Variants in CWC25 observed in about 807,000 individuals in gnomAD.
The protein encoded by CWC25 is pre-mRNA-splicing factor CWC25 homolog.
Under a neutral mutation model 54.6 loss-of-function variants are expected in CWC25, and 31 were observed. The ratio of observed to expected loss-of-function variants is 0.57; its 90% confidence interval spans 0.43 to 0.77. The LOEUF (loss-of-function observed/expected upper bound fraction) is 0.77. Among genes scored for constraint, CWC25 ranks in the 30% least tolerant of loss-of-function variants. The pLI, the probability that CWC25 is intolerant of heterozygous loss-of-function variation, is 0.00. For synonymous variants in CWC25, 151 were observed against 187.0 expected (o/e 0.81, Z 1.57); for missense variants, 453 against 529.3 (o/e 0.86, Z 1.41).
chr17:38,817,225 A>AG (rs1567674684), intron 2 of CWC25, among the ~76,000 whole-genome samples: 8 of 151,362 alleles, frequency 5.3e-5, no homozygotes, highest in African/African-American at 1.9e-4. Flanking sequence ...CTGTAGTCCC[A>AG]GCTACTCGGG....
rs940378277 is a variant in CWC25 at position 38,801,414 on chromosome 17, G to A, written c.*678C>T. On this transcript the variant is annotated 3_prime_UTR_variant, in exon 10 of 10. Coordinates refer to ENST00000614790, the MANE Select transcript of CWC25 (RefSeq NM_017748.5). Reference sequence around the variant, plus strand: ...GCTGGCCTGCCTTATTGTATTACTTGCCATCAAGGTTCAATGTGGTTCTAT... The same window carrying A: ...GCTGGCCTGCCTTATTGTATTACTTACCATCAAGGTTCAATGTGGTTCTAT... The A allele has an allele frequency of 6.6e-6, 1 of 152,094 alleles. No individual in the cohort carries two copies. Among genetic ancestry groups the A allele is most frequent in the African/African-American group, 2.4e-5 (1 of 41,408 alleles). 9.4% of individuals were successfully genotyped at this position (152,094 alleles called of 1,614,324 possible).
intron 6 of CWC25, 94 bp from the exon 7 acceptor site, chr17:38,807,070 C>G: frequency 1.0e-6 from 1 of 990,100 alleles, no homozygotes; most frequent in Non-Finnish European, 1.5e-6. Context: ...GCCTGTAATC[C>G]CAGCACTTTG....
chr17:38,812,099 G>A lies in CWC25; in HGVS notation c.498+696C>T, dbSNP rs145545397. 1.3e-3 allele frequency among the ~76,000 whole-genome samples: 191 copies of A among 151,786 alleles called. 1 individual carries two copies. Among genetic ancestry groups the A allele is most frequent in the East Asian group, 0.012 (63 of 5,148 alleles). On this transcript the variant is annotated intron_variant, in intron 4 of 9. Coordinates refer to ENST00000614790, the MANE Select transcript of CWC25 (RefSeq NM_017748.5). ...GATTACAGGCATGAACCACCACCCC[G>A]GCTAATTTTGAATTTTTAGTAGAGA...
At chr17:38,802,227 A>G in intron 9 of CWC25, 21 bp from the exon 10 acceptor site, 1 of 1,526,420 alleles carries the variant, frequency 6.6e-7, no homozygotes, top group Non-Finnish European at 9.1e-7. Context: ...AAGACAGGCA[A>G]ATGCAAGTCA....
chr17:38,825,284 T>C lies in CWC25; in HGVS notation c.-101A>G. 3.1e-6 allele frequency: 4 copies of C among 1,304,792 alleles called. No homozygotes were observed. Among genetic ancestry groups the C allele is most frequent in the Non-Finnish European group, 1.0e-6 (1 of 953,802 alleles). The allele number at this position is 1,304,792 out of a possible 1,614,324, so 80.8% of individuals were successfully genotyped here. A position where few individuals can be genotyped will look rare whatever the true frequency, so the allele number is the denominator to read the frequency against. On this transcript the variant is annotated 5_prime_UTR_variant, in exon 1 of 10. Coordinates refer to ENST00000614790, the MANE Select transcript of CWC25 (RefSeq NM_017748.5). ...TCGGGGGCTACCTCGCGGGATCTAG[T>C]CCCAGGAGCCGTCAACTGCCAGTTT...
intron 1 of CWC25, among the ~76,000 whole-genome samples, chr17:38,821,337 G>T (rs149065864): frequency 0.013 from 2,002 of 152,238 alleles, 40 homozygotes; most frequent in African/African-American, 0.045. Context: ...GAGGCGGGAA[G>T]ATCACTTGAG....
chr17:38,804,685 G>A (rs1376715860), intron 8 of CWC25, among the ~76,000 whole-genome samples: 1 of 151,174 alleles, frequency 6.6e-6, no homozygotes, highest in Non-Finnish European at 1.5e-5. Context: ...GCATGCGCCT[G>A]TAGTCCCAGC....
intron 2 of CWC25, among the ~76,000 whole-genome samples, chr17:38,820,570 G>C (rs1911881708): frequency 6.6e-6 from 1 of 152,128 alleles, no homozygotes; most frequent in Non-Finnish European, 1.5e-5. Flanking sequence ...TGAGAAGCAG[G>C]GTAGAGCAAC....
Position 38,809,711 on chromosome 17 carries a change from A to G in CWC25, c.681T>C (p.Tyr227=), listed in dbSNP as rs745355316. Residue 227 remains tyrosine, a synonymous_variant, in exon 6 of 10, where the codon TAT becomes TAC. Coordinates refer to ENST00000614790, the MANE Select transcript of CWC25 (RefSeq NM_017748.5). ...AAGCCCACATCCCTACCTGTAAGCC[A>G]TATCCAGGGACTTTGGACAAAACAG... is the stretch of plus-strand genomic sequence containing the variant. ...SSPVLSKVPG[Y]GLQVRNSDRN... 5.0e-6 allele frequency: 8 copies of G among 1,613,790 alleles called. No homozygotes were observed. In the African/African-American group the frequency reaches 5.3e-5, roughly 11 times the overall value.
intron 1 of CWC25, among the ~76,000 whole-genome samples, chr17:38,821,932 C>T (rs1911943468): frequency 6.6e-6 from 1 of 151,256 alleles, no homozygotes; most frequent in African/African-American, 2.4e-5. Flanking sequence ...CCATGCCTGG[C>T]TAATTTTTGT....
chr17:38,815,019 G>A lies in CWC25; in HGVS notation c.270C>T (p.Arg90=), dbSNP rs1350657582. Residue 90 remains arginine (R), a synonymous_variant, in exon 3 of 10, where the codon CGC becomes CGT. Transcript: ENST00000614790. ...MVNRDEYLLG[R]PIDKYVFEKM... is the part of the protein sequence containing the mutation. ...TCTCAAAAACATATTTGTCAATGGGGCGCCCCAGCAGGTACTCGTCACGGT... is the reference window on the plus strand; with the variant it reads ...TCTCAAAAACATATTTGTCAATGGGACGCCCCAGCAGGTACTCGTCACGGT... 6.2e-7 allele frequency: 1 copy of A among 1,613,886 alleles called. No homozygotes were observed. The highest frequency in any genetic ancestry group is 1.1e-5 in the South Asian group (1 of 91,070).
At chr17:38,819,224 A>C (rs1911825977) in intron 2 of CWC25, among the ~76,000 whole-genome samples, 1 of 148,536 alleles carries the variant, frequency 6.7e-6, no homozygotes. Context: ...TTTTGAGACG[A>C]AGTCTTACTC....
intron 6 of CWC25, among the ~76,000 whole-genome samples, chr17:38,808,258 C>T (rs1232753872): frequency 7.6e-6 from 1 of 132,266 alleles, no homozygotes; most frequent in Non-Finnish European, 1.6e-5. Flanking sequence ...GGTGGGTGCC[C>T]GTAGTCCCAG....
At chr17:38,814,110 C>G (rs998230553) in intron 3 of CWC25, among the ~76,000 whole-genome samples, 2 of 152,122 alleles carry the variant, frequency 1.3e-5, no homozygotes, top group Admixed American at 6.6e-5. Flanking sequence ...ATCCGCCCGC[C>G]TCGGCCTCCT....
At chr17:38,823,277 A>C (rs369261304) in intron 1 of CWC25, among the ~76,000 whole-genome samples, 1 of 148,966 alleles carries the variant, frequency 6.7e-6, no homozygotes, top group African/African-American at 2.5e-5. Context: ...CTCCTGCCTC[A>C]GCCTCCCAAG....
At chr17:38,813,108 C>T (rs1911556006) in intron 3 of CWC25, among the ~76,000 whole-genome samples, 1 of 151,298 alleles carries the variant, frequency 6.6e-6, no homozygotes, top group Admixed American at 6.6e-5. Context: ...GATCGTGCCA[C>T]TGCACTCCAG....
chr17:38,819,978 T>C (rs924983635), intron 2 of CWC25, among the ~76,000 whole-genome samples: 5 of 152,220 alleles, frequency 3.3e-5, no homozygotes, highest in Non-Finnish European at 5.9e-5. Flanking sequence ...GGCTAATTTT[T>C]TTCTATTGTT....
At position 38,802,701 on chromosome 17, in the gene CWC25, G is replaced by A; in HGVS notation, c.1162C>T (p.His388Tyr). 1 of 1,613,918 alleles carries A rather than the reference G, an allele frequency of 6.2e-7. No individual in the cohort carries two copies. Among genetic ancestry groups the A allele is most frequent in the Non-Finnish European group, 8.5e-7 (1 of 1,179,842 alleles). The stretch of plus-strand genomic sequence containing the variant: ...CTGGCAGGAAGAAGATGCACTCACT[G>A]GATGAACTTCCCATCCCGGGAGTCC... The part of the protein sequence containing the change: ...KLDSRDGKFI[H>Y]RMKLESASTS... The change falls in exon 9 of 10, where the codon CAC (histidine) becomes TAC (tyrosine). Residue 388 changes from histidine to tyrosine, a missense_variant and splice_region_variant. Physicochemically the swap from His to Tyr is moderately conservative, Grantham distance 83. Around this residue, in one of 2 missense-constraint regions of CWC25, gnomAD observed 444 missense variants for 499.2 expected, o/e 0.89. Transcript: ENST00000614790.
At chr17:38,819,408 C>T (rs1911834054) in intron 2 of CWC25, among the ~76,000 whole-genome samples, 1 of 150,762 alleles carries the variant, frequency 6.6e-6, no homozygotes, top group Non-Finnish European at 1.5e-5. Flanking sequence ...CGCTCTGTCG[C>T]CAGGCTGGAG....
Sources: gnomAD v4.1 joint callset for allele counts (sites outside exome capture counted in the v4.1 genomes callset) on GRCh38, gnomAD v4.1.1 for gene constraint, gnomAD v4.1.1 regional missense constraint, MANE v1.5 for transcripts, NCBI Gene and HGNC (gene_info 2026-07-23, HGNC 2026-07-21) for gene names.